The following CEP170B variants were observed in gnomAD, a reference collection of about 807,000 sequenced individuals.
CEP170B encodes the protein centrosomal protein 170B.
In CEP170B, 55 loss-of-function variants were observed where a neutral mutation model predicts 120.6. That is an observed-to-expected ratio of 0.46 (90% CI 0.37 to 0.57). CEP170B has a LOEUF of 0.57. Ranked by LOEUF, CEP170B falls within the 20% of genes least tolerant of loss-of-function variation. The probability of loss-of-function intolerance (pLI) is 0.00; values close to 1 mark genes in which losing one functional copy is unlikely to be tolerated. For synonymous variants in CEP170B, 1,033 were observed against 954.5 expected (o/e 1.08, Z -1.52); for missense variants, 2,212 against 2,253.3 (o/e 0.98, Z 0.37).
intron 2 of CEP170B, among the ~76,000 whole-genome samples, chr14:104,873,254 G>C (rs541458989): frequency 2.1e-4 from 30 of 141,036 alleles, no homozygotes; most frequent in South Asian, 1.0e-3. Flanking sequence ...CCTGCGGGGG[G>C]ACTCTGTGCT....
At chr14:104,883,616 T>C in intron 8 of CEP170B, 108 bp downstream of exon 8, 1 of 1,257,528 alleles carries the variant, frequency 8.0e-7, no homozygotes, top group Non-Finnish European at 1.1e-6. Flanking sequence ...CTGGGTTGAC[T>C]TCCCATTTTT....
Position 104,888,051 on chromosome 14 carries a change from A to G in CEP170B, c.3739+73A>G, listed in dbSNP as rs186289283. On this transcript the variant is annotated intron_variant, in intron 12 of 18. Coordinates refer to ENST00000414716, the MANE Select transcript of CEP170B (RefSeq NM_001112726.3). ...GTGGGTCTGCAGCATCTTGGATGCC[A>G]GCTGAGTGCTGGCCGTGGGCCCCTG... 18 of 1,403,598 alleles carry G rather than the reference A, an allele frequency of 1.3e-5. 1 individual carries two copies. Among genetic ancestry groups the G allele is most frequent in the Middle Eastern group, 2.5e-4 (1 of 4,046 alleles). The allele number at this position is 1,403,598 out of a possible 1,614,324, so 86.9% of individuals were successfully genotyped here.
At position 104,886,503 on chromosome 14, in the gene CEP170B, G is replaced by C. The variant is rs1345217826; in HGVS notation, c.2264G>C (p.Gly755Ala). Residue 755 changes from glycine to alanine, a missense_variant, in exon 12 of 19, where the codon GGG becomes GCG. Coordinates refer to ENST00000414716, the MANE Select transcript of CEP170B (RefSeq NM_001112726.3). ...DSLSDASGSD[G>A]GRGPEPGVEP... is the part of the protein sequence containing the mutation. ...CTCAGCGATGCCAGTGGGTCGGACG[G>C]GGGCCGAGGCCCCGAGCCAGGGGTG... 1 of 1,512,880 alleles carries C rather than the reference G, an allele frequency of 6.6e-7. No homozygotes were observed. The highest frequency in any genetic ancestry group is 2.3e-5 in the Admixed American group (1 of 44,308). 93.7% of individuals were successfully genotyped at this position (1,512,880 alleles called of 1,614,324 possible).
At position 104,883,125 on chromosome 14, in the gene CEP170B, C is replaced by T; in HGVS notation, c.668C>T (p.Pro223Leu). 3 of 1,599,172 alleles carry T rather than the reference C, an allele frequency of 1.9e-6. No individual in the cohort carries two copies. In the East Asian group the frequency reaches 6.8e-5, roughly 36 times the overall value. ...CAGGGCTGCTCGTTCCGGCGGGAGC[C>T]CAGCTACTTCGAGATCCCCACGAAG... ...EPQGCSFRRE[P>L]SYFEIPTKET... The change falls in exon 8 of 19, where the codon CCC becomes CTC. Residue 223 changes from proline (P) to leucine (L), a missense_variant. Pro to Leu is a moderately conservative substitution (Grantham distance 98). Around this residue, in one of 2 missense-constraint regions of CEP170B, gnomAD observed 2,166 missense variants for 2,166.7 expected, o/e 1.00. Coordinates refer to ENST00000414716, the MANE Select transcript of CEP170B (RefSeq NM_001112726.3).
chr14:104,880,892 TACCC>T (rs933175957), intron 6 of CEP170B, among the ~76,000 whole-genome samples: 10 of 141,710 alleles, frequency 7.1e-5, no homozygotes, highest in Non-Finnish European at 1.5e-4. Context: ...CCTCACCTCT[TACCC>T]CACACACACA....
At chr14:104,879,106 C>T (rs1193522707) in intron 5 of CEP170B, among the ~76,000 whole-genome samples, 1 of 152,116 alleles carries the variant, frequency 6.6e-6, no homozygotes, top group Non-Finnish European at 1.5e-5. Context: ...TCATAAGGGG[C>T]TTTAGATTCT....
At position 104,886,374 on chromosome 14, in the gene CEP170B, C is replaced by T. The variant is rs1388455971; in HGVS notation, c.2135C>T (p.Pro712Leu). 2 of 1,580,680 alleles carry T rather than the reference C, an allele frequency of 1.3e-6. No homozygotes were observed. The highest frequency in any genetic ancestry group is 1.7e-6 in the Non-Finnish European group (2 of 1,165,302). The change falls in exon 12 of 19, where the codon CCT becomes CTT. Residue 712 changes from proline (P) to leucine (L), a missense_variant. By Grantham distance (98) the Pro-to-Leu change is moderately conservative. Around this residue, in one of 2 missense-constraint regions of CEP170B, gnomAD observed 2,166 missense variants for 2,166.7 expected, o/e 1.00. Transcript: ENST00000414716. ...CTGCCCAGTGAGAGGGCTGACAGCC[C>T]TGCGGGCCCAGAGAGCAGCAGGAGG... ...PQLPSERADSPAGPESSRRSG... is the reference protein window; with the variant it reads ...PQLPSERADSLAGPESSRRSG...
intron 6 of CEP170B, among the ~76,000 whole-genome samples, chr14:104,881,048 G>C (rs901556340): frequency 2.0e-5 from 3 of 152,002 alleles, no homozygotes; most frequent in Non-Finnish European, 4.4e-5. Context: ...GCAGGTGATG[G>C]GGGGGTGAGG....
chr14:104,892,319 G>A (rs1420365273), intron 13 of CEP170B, among the ~76,000 whole-genome samples: 1 of 152,164 alleles, frequency 6.6e-6, no homozygotes, highest in African/African-American at 2.4e-5. Context: ...TACCTCGGCA[G>A]GGTGGAGGCC....
rs1480180883 is a variant in CEP170B at position 104,883,314 on chromosome 14, A to T, written c.857A>T (p.His286Leu). 1 of 1,612,026 alleles carries T rather than the reference A, an allele frequency of 6.2e-7. No individual in the cohort carries two copies. Among genetic ancestry groups the T allele is most frequent in the Non-Finnish European group, 8.5e-7 (1 of 1,179,728 alleles). ...CSPGKMKIKDHITKFSLRQRR... is the reference protein window; with the variant it reads ...CSPGKMKIKDLITKFSLRQRR... ...CCTGGCAAGATGAAGATCAAGGACCATATCACCAAGTTTTCCCTGCGCCAG... is the reference window on the plus strand; with the variant it reads ...CCTGGCAAGATGAAGATCAAGGACCTTATCACCAAGTTTTCCCTGCGCCAG... The change falls in exon 8 of 19, where the codon CAT (histidine) becomes CTT (leucine). Residue 286 changes from histidine (H) to leucine (L), a missense_variant. Coordinates refer to ENST00000414716, the MANE Select transcript of CEP170B (RefSeq NM_001112726.3).
intron 3 of CEP170B, among the ~76,000 whole-genome samples, chr14:104,877,347 A>C (rs1895907392): frequency 6.6e-6 from 1 of 152,120 alleles, no homozygotes. Flanking sequence ...TGGGCCCTGC[A>C]TGGTTGGCTA....
At chr14:104,878,564 A>G in intron 5 of CEP170B, 63 bp downstream of exon 5, 8 of 1,535,510 alleles carry the variant, frequency 5.2e-6, no homozygotes, top group Non-Finnish European at 7.1e-6. Flanking sequence ...CCTCCCCACC[A>G]TGCTCCCGCT....
chr14:104,864,600 C>CCCT (rs1243931727), upstream of CEP170B, among the ~76,000 whole-genome samples: 1 of 152,158 alleles, frequency 6.6e-6, no homozygotes, highest in African/African-American at 2.4e-5. The surrounding 1 kb of genome is among the most constrained non-coding windows in gnomAD (Gnocchi z 5.9). Flanking sequence ...CCACCCCCAC[C>CCCT]CCTCGGCCAG....
At chr14:104,877,852 C>A in intron 3 of CEP170B, 33 bp from the exon 4 acceptor site, 3 of 23,056 alleles carry the variant, frequency 1.3e-4, no homozygotes, top group East Asian at 6.3e-4. Flanking sequence ...CCGCGCAGCT[C>A]CCCCCCCCCC....
Position 104,883,300 on chromosome 14 carries a change from G to A in CEP170B, c.843G>A (p.Met281Ile), listed in dbSNP as rs1896260312. 1 of 1,612,026 alleles carries A rather than the reference G, an allele frequency of 6.2e-7. No individual in the cohort carries two copies. Among genetic ancestry groups the A allele is most frequent in the African/African-American group, 1.3e-5 (1 of 74,812 alleles). The change falls in exon 8 of 19, where the codon ATG becomes ATA. Residue 281 changes from methionine (M) to isoleucine (I), a missense_variant. Met to Ile is a conservative substitution (Grantham distance 10). Transcript: ENST00000414716. ...TTGATGACTGCAGCCCTGGCAAGAT[G>A]AAGATCAAGGACCATATCACCAAGT... is the stretch of plus-strand genomic sequence containing the variant. ...IEFDDCSPGK[M>I]KIKDHITKFS...
At position 104,872,406 on chromosome 14, in the gene CEP170B, G is replaced by C. The variant is rs12436761; in HGVS notation, c.106-3850G>C. 1.4e-4 allele frequency among the ~76,000 whole-genome samples: 9 copies of C among 65,642 alleles called. 1 individual carries two copies. The South Asian group carries it at 4.8e-3, about 35-fold the overall frequency. 43.1% of individuals were successfully genotyped at this position (65,642 alleles called of 152,430 possible). On this transcript the variant is annotated intron_variant, in intron 2 of 18. Coordinates refer to ENST00000414716, the MANE Select transcript of CEP170B (RefSeq NM_001112726.3). ...TGCATGTGTGCCGTGGGTGTGCGTG[G>C]GTGTGCCGTGGGTGTGCCGTGCGTG...
At chr14:104,876,996 G>A (rs1242790931) in intron 3 of CEP170B, among the ~76,000 whole-genome samples, 2 of 152,190 alleles carry the variant, frequency 1.3e-5, no homozygotes, top group Non-Finnish European at 2.9e-5. Context: ...TGTCCCTGAG[G>A]TCCCTGTCTG....
In CEP170B at chr14:104,884,150, C is replaced by A. The variant is rs747300597; in HGVS notation, c.1371C>A (p.Arg457=). 435 of 1,554,750 alleles carry A rather than the reference C, an allele frequency of 2.8e-4. 5 individuals are homozygous for A. Among genetic ancestry groups the A allele is most frequent in the Non-Finnish European group, 4.3e-5 (49 of 1,150,910 alleles). The change falls in exon 9 of 19, where the codon CGC becomes CGA. Residue 457 remains arginine (R), a synonymous_variant. Coordinates refer to ENST00000414716, the MANE Select transcript of CEP170B (RefSeq NM_001112726.3). ...CAGCCCCAGTCCAGGCAGGGGGCCG[C>A]AGCTCGGGGCCACAGAGGGCCGGCT... The part of the protein sequence containing the change: ...SVPAPVQAGG[R]SSGPQRAGSL...
chr14:104,892,083 G>A (rs1270255593), intron 13 of CEP170B, among the ~76,000 whole-genome samples: 1 of 152,134 alleles, frequency 6.6e-6, no homozygotes, highest in Non-Finnish European at 1.5e-5. Context: ...TGTGGGGGCC[G>A]AGGAGGCTTG....
Sources: gnomAD v4.1 joint callset for allele counts (sites outside exome capture counted in the v4.1 genomes callset) on GRCh38, gnomAD v4.1.1 for gene constraint, gnomAD v4.1.1 regional missense constraint, Gnocchi (gnomAD v3.1) non-coding constraint, MANE v1.5 for transcripts, NCBI Gene and HGNC (gene_info 2026-07-23, HGNC 2026-07-21) for gene names.